The following MRPL13 variants were observed in gnomAD, a reference collection of about 807,000 sequenced individuals.
The protein encoded by MRPL13 is large ribosomal subunit protein uL13m.
In MRPL13, 33 loss-of-function variants were observed where a neutral mutation model predicts 29.0. That is an observed-to-expected ratio of 1.14 (90% CI 0.86 to 1.52). MRPL13 has a LOEUF of 1.52. Ranked by LOEUF, MRPL13 falls within the 40% of genes most tolerant of loss-of-function variation. The pLI, the probability that MRPL13 is intolerant of heterozygous loss-of-function variation, is 0.00. For synonymous variants in MRPL13, 77 were observed against 68.4 expected (o/e 1.13, Z -0.62); for missense variants, 227 against 216.7 (o/e 1.05, Z -0.30).
chr8:120,444,120 C>G (rs1313390376), intron 1 of MRPL13, among the ~76,000 whole-genome samples: 2 of 152,088 alleles, frequency 1.3e-5, no homozygotes, highest in African/African-American at 4.8e-5. Context: ...TTGTCCCCAT[C>G]CATTGTAGAC....
chr8:120,401,389 C>T (rs113645183), intron 6 of MRPL13, among the ~76,000 whole-genome samples: 7 of 152,220 alleles, frequency 4.6e-5, no homozygotes, highest in African/African-American at 1.4e-4. Context: ...ATAAAAAGAA[C>T]GAAAGACATA....
chr8:120,420,098 C>T (rs1812852608), intron 4 of MRPL13, among the ~76,000 whole-genome samples, 160 bp from the exon 5 acceptor site: 1 of 151,812 alleles, frequency 6.6e-6, no homozygotes, highest in Non-Finnish European at 1.5e-5. Context: ...AGAAAAGAAA[C>T]TTTTATTACT....
chr8:120,420,281 A>G (rs2130468247), intron 4 of MRPL13, among the ~76,000 whole-genome samples: 2 of 151,354 alleles, frequency 1.3e-5, no homozygotes, highest in East Asian at 3.9e-4. Context: ...AATACATGTT[A>G]GAATAGGGTT....
intron 3 of MRPL13, among the ~76,000 whole-genome samples, chr8:120,425,767 T>C (rs1413172503): frequency 2.0e-5 from 3 of 152,156 alleles, no homozygotes; most frequent in Non-Finnish European, 4.4e-5. Context: ...ATGTTGGTAG[T>C]CCACTTGGTT....
In MRPL13 at chr8:120,408,077, T is replaced by C. The variant is rs556908946; in HGVS notation, c.515+5914A>G. Among the ~76,000 whole-genome samples the C allele has an allele frequency of 4.8e-4, 73 of 152,372 alleles. 1 individual carries two copies. The highest frequency in any genetic ancestry group is 4.9e-4 in the Non-Finnish European group (33 of 68,032). The stretch of plus-strand genomic sequence containing the variant: ...GAGAGGTAAAGTAATGGTGCCTTAA[T>C]ACTAATTTTCCTAGGCACTGTAGCA... On this transcript the variant is annotated intron_variant, in intron 6 of 6. Transcript: ENST00000306185.
At chr8:120,411,218 C>T (rs996792394) in intron 6 of MRPL13, among the ~76,000 whole-genome samples, 6 of 152,068 alleles carry the variant, frequency 3.9e-5, no homozygotes, top group African/African-American at 1.4e-4. Context: ...TGTGCTAACA[C>T]ACCTGGCTAA....
intron 6 of MRPL13, among the ~76,000 whole-genome samples, chr8:120,398,620 C>T (rs1812549996): frequency 6.6e-6 from 1 of 152,132 alleles, no homozygotes; most frequent in Non-Finnish European, 1.5e-5. Context: ...CAACACCTCT[C>T]CAGCAAGGGC....
chr8:120,423,500 A>G (rs1045019632), intron 4 of MRPL13, among the ~76,000 whole-genome samples: 6 of 152,274 alleles, frequency 3.9e-5, no homozygotes, highest in Non-Finnish European at 7.4e-5. Flanking sequence ...AAAAGACAAG[A>G]GTACACATAA....
rs549572070 is a variant in MRPL13 at position 120,445,119 on chromosome 8, G to A, written c.-25C>T. On this transcript the variant is annotated 5_prime_UTR_variant, in exon 1 of 7. It adds an upstream start codon to the 5' untranslated region. Coordinates refer to ENST00000306185, the MANE Select transcript of MRPL13 (RefSeq NM_014078.6). Reference sequence around the variant, plus strand: ...TATTCCTCTACTAGCAGGACCGTACGTCCTTCTCCTAGTAGCCACGCCGGG... The same window carrying A: ...TATTCCTCTACTAGCAGGACCGTACATCCTTCTCCTAGTAGCCACGCCGGG... The A allele has an allele frequency of 1.9e-6, 3 of 1,613,872 alleles. No homozygotes were observed. The highest frequency in any genetic ancestry group is 1.3e-5 in the African/African-American group (1 of 74,976).
At chr8:120,406,310 T>C (rs1341142874) in intron 6 of MRPL13, among the ~76,000 whole-genome samples, 1 of 152,182 alleles carries the variant, frequency 6.6e-6, no homozygotes, top group Non-Finnish European at 1.5e-5. Context: ...TTAAGAAAAA[T>C]GTCTATTTTA....
At chr8:120,441,026 T>C (rs987505346) in intron 2 of MRPL13, among the ~76,000 whole-genome samples, 1 of 151,778 alleles carries the variant, frequency 6.6e-6, no homozygotes, top group African/African-American at 2.4e-5. Context: ...TGTGTGAGTG[T>C]ATATATATAT....
chr8:120,397,706 G>A (rs948565197), intron 6 of MRPL13, among the ~76,000 whole-genome samples: 2 of 151,876 alleles, frequency 1.3e-5, no homozygotes, highest in African/African-American at 4.8e-5. Flanking sequence ...ATATGAACAG[G>A]ACTCTGATCT....
chr8:120,406,555 ATGTGTGTGTGTGTGTG>A (rs72150915), intron 6 of MRPL13, among the ~76,000 whole-genome samples: 5 of 147,166 alleles, frequency 3.4e-5, no homozygotes, highest in Non-Finnish European at 6.0e-5. Context: ...ATATGTGTGC[ATGTGTGTGTGTGTGTG>A]TGTGTGTGTG....
chr8:120,415,905 C>T (rs1376161338), intron 5 of MRPL13: 1 of 152,144 alleles, frequency 6.6e-6, no homozygotes, highest in African/African-American at 2.4e-5. Flanking sequence ...TTCCCTAGAT[C>T]AGTTGTAAAG....
At chr8:120,441,849 T>C (rs1813127990) in intron 2 of MRPL13, among the ~76,000 whole-genome samples, 1 of 152,150 alleles carries the variant, frequency 6.6e-6, no homozygotes, top group Non-Finnish European at 1.5e-5. Context: ...CTGAAGTACT[T>C]TGGGGGAATT....
chr8:120,438,299 C>T (rs1040658396), intron 2 of MRPL13, among the ~76,000 whole-genome samples: 2 of 152,166 alleles, frequency 1.3e-5, no homozygotes, highest in Non-Finnish European at 2.9e-5. Context: ...TGTGATGGCT[C>T]CATTGCACTG....
intron 6 of MRPL13, among the ~76,000 whole-genome samples, chr8:120,403,002 G>C (rs1397941709): frequency 6.6e-6 from 1 of 152,194 alleles, no homozygotes; most frequent in Non-Finnish European, 1.5e-5. Flanking sequence ...AGAAACAACA[G>C]ATGCTGGCAA....
At chr8:120,435,579 TACC>T (rs527389908) in intron 2 of MRPL13, among the ~76,000 whole-genome samples, 69 of 152,216 alleles carry the variant, frequency 4.5e-4, no homozygotes, top group Non-Finnish European at 9.3e-4. Context: ...GGTGTATATG[TACC>T]ACATTTTCTT....
chr8:120,408,523 G>C (rs7005391), intron 6 of MRPL13, among the ~76,000 whole-genome samples: 80,452 of 152,036 alleles, frequency 0.53, 24,579 homozygotes, highest in Non-Finnish European at 0.67. Flanking sequence ...GGTTGAAATA[G>C]GTAGGAAAGT....
Sources: allele counts gnomAD v4.1 joint callset (sites outside exome capture counted in the v4.1 genomes callset), GRCh38; gene constraint gnomAD v4.1.1; transcripts MANE v1.5; gene names NCBI Gene and HGNC (gene_info 2026-07-23, HGNC 2026-07-21).